Variants in ANO10 observed in about 807,000 individuals in gnomAD.
The protein encoded by ANO10 is anoctamin-10.
A neutral mutation model predicts 74.7 loss-of-function variants in ANO10; 77 were observed. The observed-to-expected ratio is 1.03, with a 90% CI of 0.86 to 1.25. The LOEUF is 1.25. ANO10 is among the 50% of genes most tolerant of loss of function. The probability of loss-of-function intolerance (pLI) is 0.00; values close to 1 mark genes in which losing one functional copy is unlikely to be tolerated. For missense variants in ANO10, 721 were observed against 778.1 expected (o/e 0.93, Z 0.87); for synonymous variants, 279 against 284.9 (o/e 0.98, Z 0.21).
chr3:43,388,784 A>G (rs2092197675), intron 12 of ANO10, among the ~76,000 whole-genome samples: 1 of 152,264 alleles, frequency 6.6e-6, no homozygotes, highest in South Asian at 2.1e-4. Flanking sequence ...CATTCTACAC[A>G]GCACATTCAG....
intron 3 of ANO10, 107 bp from the exon 4 acceptor site, chr3:43,598,773 A>C (rs2082206436): frequency 9.1e-6 from 8 of 875,758 alleles, no homozygotes; most frequent in Middle Eastern, 3.4e-4. Context: ...AATTAACATA[A>C]GAAGTAATCA....
intron 11 of ANO10, among the ~76,000 whole-genome samples, chr3:43,461,766 T>C (rs925661591): frequency 7.9e-5 from 12 of 152,216 alleles, no homozygotes; most frequent in Non-Finnish European, 4.4e-5. Flanking sequence ...ATCTCGGGTA[T>C]GTCTTTATCA....
intron 12 of ANO10, among the ~76,000 whole-genome samples, chr3:43,393,627 C>G (rs888970958): frequency 5.9e-5 from 9 of 152,186 alleles, no homozygotes; most frequent in Non-Finnish European, 1.2e-4. Flanking sequence ...TCCTCTCTTT[C>G]CCTCCAGCCA....
chr3:43,691,163 C>T (rs1014125991), intron 1 of ANO10: 1 of 973,370 alleles, frequency 1.0e-6, no homozygotes, highest in African/African-American at 1.7e-5. Flanking sequence ...GCGGCTTCCT[C>T]GACCCTCCCC....
intron 12 of ANO10, among the ~76,000 whole-genome samples, chr3:43,431,505 A>G (rs890137485): frequency 2.0e-5 from 3 of 151,928 alleles, no homozygotes; most frequent in Non-Finnish European, 2.9e-5. Flanking sequence ...ATTTTCTGCC[A>G]TTGCTGGGAA....
At chr3:43,475,478 G>A (rs578037687) in intron 11 of ANO10, among the ~76,000 whole-genome samples, 4 of 152,172 alleles carry the variant, frequency 2.6e-5, no homozygotes, top group Admixed American at 1.3e-4. Flanking sequence ...AAAAAGGGGA[G>A]GCTTTATCCA....
intron 1 of ANO10, among the ~76,000 whole-genome samples, chr3:43,635,901 T>C (rs80034530): frequency 0.024 from 3,633 of 152,122 alleles, 148 homozygotes; most frequent in African/African-American, 0.082. Context: ...ATTACAGGCG[T>C]AGCCACCATG....
chr3:43,471,510 A>G (rs1224337161), intron 11 of ANO10, among the ~76,000 whole-genome samples: 1 of 152,208 alleles, frequency 6.6e-6, no homozygotes, highest in African/African-American at 2.4e-5. Flanking sequence ...AGTTTTCTTG[A>G]AGACATTCCT....
intron 11 of ANO10, among the ~76,000 whole-genome samples, chr3:43,471,536 C>A (rs10461013): frequency 1.3e-5 from 2 of 151,906 alleles, no homozygotes; most frequent in Non-Finnish European, 2.9e-5. Flanking sequence ...TGATACGCTC[C>A]CATAGGTACT....
chr3:43,586,904 A>G (rs2081505525), intron 4 of ANO10, among the ~76,000 whole-genome samples: 1 of 152,190 alleles, frequency 6.6e-6, no homozygotes, highest in Admixed American at 6.5e-5. Context: ...ACTGGCAGAC[A>G]AGCCTAAGAA....
At chr3:43,396,369 C>T (rs975012434) in intron 12 of ANO10, among the ~76,000 whole-genome samples, 5 of 151,770 alleles carry the variant, frequency 3.3e-5, no homozygotes, top group African/African-American at 7.3e-5. Flanking sequence ...GATGGAGTCT[C>T]GCTCTGTCGC....
chr3:43,415,017 C>T (rs1448403738), intron 12 of ANO10, among the ~76,000 whole-genome samples: 1 of 146,788 alleles, frequency 6.8e-6, no homozygotes, highest in South Asian at 2.2e-4. Context: ...CTCTGTCACC[C>T]AGGCTGCAGT....
At chr3:43,568,035 T>C (rs1222986293) in intron 7 of ANO10, among the ~76,000 whole-genome samples, 1 of 151,860 alleles carries the variant, frequency 6.6e-6, no homozygotes, top group Non-Finnish European at 1.5e-5. Flanking sequence ...GTTGCAATCC[T>C]AGTCTCTGAT....
At chr3:43,373,971 G>C (rs1470494067) in intron 12 of ANO10, among the ~76,000 whole-genome samples, 1 of 152,184 alleles carries the variant, frequency 6.6e-6, no homozygotes, top group African/African-American at 2.4e-5. Context: ...AGTGGACACT[G>C]ATATTTTCTC....
At chr3:43,653,870 A>C (rs987611804) in intron 1 of ANO10, among the ~76,000 whole-genome samples, 1 of 151,900 alleles carries the variant, frequency 6.6e-6, no homozygotes, top group Non-Finnish European at 1.5e-5. Flanking sequence ...TAAGTGGTTA[A>C]TGGTTAAGCC....
chr3:43,448,246 ACAT>A (rs1372964486), intron 11 of ANO10, among the ~76,000 whole-genome samples: 2 of 152,318 alleles, frequency 1.3e-5, no homozygotes, highest in Non-Finnish European at 2.9e-5. Context: ...GCTGAGACAT[ACAT>A]CATGTCATGT....
At chr3:43,636,076 C>T (rs1055388798) in intron 1 of ANO10, among the ~76,000 whole-genome samples, 3 of 151,944 alleles carry the variant, frequency 2.0e-5, no homozygotes, top group African/African-American at 7.3e-5. Flanking sequence ...TAGGTTTCCC[C>T]GGAAGCAGAC....
chr3:43,578,687 T>A (rs532690789), intron 5 of ANO10, among the ~76,000 whole-genome samples: 1 of 137,932 alleles, frequency 7.2e-6, no homozygotes, highest in Admixed American at 8.4e-5. Context: ...GAAGTGGAGA[T>A]TGCAGTGAAC....
Position 43,549,746 on chromosome 3 carries a change from G to A in ANO10, c.1771C>T (p.Leu591Phe). The A allele has an allele frequency of 6.2e-7, 1 of 1,613,918 alleles. No individual in the cohort carries two copies. The highest frequency in any genetic ancestry group is 8.5e-7 in the Non-Finnish European group (1 of 1,179,918). Residue 591 changes from leucine (L) to phenylalanine (F), a missense_variant, in exon 11 of 13, where the codon CTC (leucine) becomes TTC (phenylalanine). Transcript: ENST00000292246. ...NAVFPESKAD[L>F]ILIVVAVEHA... ...TCCACTGCTACTACAATCAAAATGA[G>A]GTCTGCTTTTGATTCTGGAAAGACT...
Sources: gnomAD v4.1 joint callset for allele counts (sites outside exome capture counted in the v4.1 genomes callset) on GRCh38, gnomAD v4.1.1 for gene constraint, MANE v1.5 for transcripts, NCBI Gene and HGNC (gene_info 2026-07-23, HGNC 2026-07-21) for gene names.